Variants in UNC13C observed in about 807,000 individuals in gnomAD.
UNC13C encodes protein unc-13 homolog C.
UNC13C carries 174 observed loss-of-function variants against 245.4 expected under a neutral mutation model. That is an observed-to-expected ratio of 0.71 (90% CI 0.63 to 0.80). The LOEUF (loss-of-function observed/expected upper bound fraction) is 0.80, where lower values mean the gene tolerates loss of function less well. Among genes scored for constraint, UNC13C ranks in the 30% least tolerant of loss-of-function variants. The probability of loss-of-function intolerance (pLI) is 0.00; values close to 1 mark genes in which losing one functional copy is unlikely to be tolerated. For missense variants in UNC13C, 2,829 were observed against 2,602.9 expected, an observed-to-expected ratio of 1.09 and a Z score of -1.89; for synonymous variants, 992 against 895.1, an observed-to-expected ratio of 1.11 and a Z score of -1.93.
At chr15:53,849,329 A>G in the UNC13C span, among the ~76,000 whole-genome samples, 1 of 151,798 alleles carries the variant, frequency 6.6e-6, no homozygotes, top group African/African-American at 2.4e-5. Context: ...TTATAATTAC[A>G]TTTTATGTCC....
chr15:54,470,434 C>A (rs983558396), intron 19 of UNC13C, among the ~76,000 whole-genome samples: 2 of 151,420 alleles, frequency 1.3e-5, no homozygotes, highest in Non-Finnish European at 3.0e-5. Context: ...CTTTATTGGC[C>A]TACTCAGATT....
intron 2 of UNC13C, among the ~76,000 whole-genome samples, chr15:54,028,684 C>CTTTTTTTTTTTTT (rs58264883): frequency 1.3e-4 from 11 of 87,096 alleles, no homozygotes; most frequent in Non-Finnish European, 1.8e-4. Flanking sequence ...GCCTACAAGT[C>CTTTTTTTTTTTTT]TTTTTTTTTT....
chr15:54,266,769 A>C (rs2036558628), intron 10 of UNC13C, among the ~76,000 whole-genome samples: 1 of 152,044 alleles, frequency 6.6e-6, no homozygotes, highest in Non-Finnish European at 1.5e-5. Flanking sequence ...CAGTGCCCCA[A>C]AATATTCTTT....
chr15:54,424,872 T>TTGTGC (rs2040727022), intron 19 of UNC13C, among the ~76,000 whole-genome samples: 1 of 151,802 alleles, frequency 6.6e-6, no homozygotes, highest in Non-Finnish European at 1.5e-5. Flanking sequence ...AATTAGTGTA[T>TTGTGC]TGTGCTGTGC....
At chr15:54,069,119 C>T (rs1898203302) in intron 2 of UNC13C, among the ~76,000 whole-genome samples, 1 of 152,088 alleles carries the variant, frequency 6.6e-6, no homozygotes, top group Non-Finnish European at 1.5e-5. Flanking sequence ...GAGACAGAAA[C>T]AGATCTAAGA....
intron 2 of UNC13C, among the ~76,000 whole-genome samples, chr15:54,021,972 G>A (rs1895920563): frequency 6.6e-6 from 1 of 152,174 alleles, no homozygotes; most frequent in Admixed American, 6.5e-5. Context: ...TAGGTGTATA[G>A]TAGGTGATAC....
At chr15:53,949,309 T>A in the UNC13C span, among the ~76,000 whole-genome samples, 1 of 152,182 alleles carries the variant, frequency 6.6e-6, no homozygotes, top group Non-Finnish European at 1.5e-5. Context: ...GCTTTCTACT[T>A]GTTGGGTGGG....
intron 26 of UNC13C, among the ~76,000 whole-genome samples, chr15:54,543,742 C>T (rs1435111951): frequency 1.3e-5 from 2 of 151,998 alleles, no homozygotes; most frequent in African/African-American, 4.8e-5. Context: ...CAGACAAACC[C>T]AGGAAGAAGT....
intron 22 of UNC13C, among the ~76,000 whole-genome samples, chr15:54,503,659 CAT>C (rs1362881825): frequency 6.6e-6 from 1 of 151,974 alleles, no homozygotes; most frequent in Non-Finnish European, 1.5e-5. Context: ...GTCCCAAACT[CAT>C]TATCAGCATT....
intron 1 of UNC13C, among the ~76,000 whole-genome samples, chr15:54,002,924 C>T (rs954591703): frequency 2.0e-5 from 3 of 152,160 alleles, no homozygotes; most frequent in Non-Finnish European, 4.4e-5. Context: ...ATAGTGAAGT[C>T]GGGGTAGGAG....
At chr15:54,252,450 T>A (rs1384088243) in intron 8 of UNC13C, among the ~76,000 whole-genome samples, 1 of 152,174 alleles carries the variant, frequency 6.6e-6, no homozygotes, top group Non-Finnish European at 1.5e-5. Context: ...TGAAGGTGGG[T>A]ATGCATGCCC....
chr15:54,077,160 G>A (rs1378263139), intron 2 of UNC13C, among the ~76,000 whole-genome samples: 1 of 152,004 alleles, frequency 6.6e-6, no homozygotes, highest in Non-Finnish European at 1.5e-5. Context: ...AAAAACCTTG[G>A]AAGCAAAGGG....
intron 29 of UNC13C, among the ~76,000 whole-genome samples, chr15:54,563,738 T>G (rs537189866): frequency 6.6e-6 from 1 of 151,912 alleles, no homozygotes; most frequent in African/African-American, 2.4e-5. Flanking sequence ...GGATAGTGGG[T>G]TTTGTCTAAT....
chr15:54,578,865 C>G (rs1389484804), intron 30 of UNC13C, among the ~76,000 whole-genome samples: 1 of 152,200 alleles, frequency 6.6e-6, no homozygotes, highest in Non-Finnish European at 1.5e-5. Flanking sequence ...ATTAGCCGAG[C>G]ATGGTGAAGC....
intron 2 of UNC13C, among the ~76,000 whole-genome samples, chr15:54,059,032 T>A (rs1461401600): frequency 9.2e-5 from 14 of 152,138 alleles, no homozygotes; most frequent in African/African-American, 3.1e-4. Context: ...ACTGGAAGCA[T>A]TCCCTTTGAA....
At chr15:53,910,717 G>A in the UNC13C span, 1 of 147,074 alleles carries the variant, frequency 6.8e-6, no homozygotes, top group East Asian at 2.0e-4. Context: ...CAGAGCCAAA[G>A]CAGACAGCCG....
chr15:53,932,539 C>T, the UNC13C span, among the ~76,000 whole-genome samples: 2,919 of 152,172 alleles, frequency 0.019, 58 homozygotes, highest in East Asian at 0.07. Flanking sequence ...GCTTTTTACC[C>T]AAGGCAATTA....
At chr15:53,892,975 C>T in the UNC13C span, among the ~76,000 whole-genome samples, 1 of 152,084 alleles carries the variant, frequency 6.6e-6, no homozygotes, top group Admixed American at 6.5e-5. Context: ...AGTTTTCCGC[C>T]TTTTTGAGCT....
chr15:54,548,779 A>G (rs1433037040), intron 27 of UNC13C, among the ~76,000 whole-genome samples: 11 of 152,134 alleles, frequency 7.2e-5, no homozygotes, highest in Admixed American at 2.0e-4. Flanking sequence ...AAATTTCTCT[A>G]GCATTGAGAT....
Sources: gnomAD v4.1 joint callset for allele counts (sites outside exome capture counted in the v4.1 genomes callset) on GRCh38, gnomAD v4.1.1 for gene constraint, MANE v1.5 for transcripts, NCBI Gene and HGNC (gene_info 2026-07-23, HGNC 2026-07-21) for gene names.